The following CFLAR variants were observed in gnomAD, a reference collection of about 807,000 sequenced individuals.
CFLAR encodes the protein CASP8 and FADD-like apoptosis regulator.
Under a neutral mutation model 51.1 loss-of-function variants are expected in CFLAR, and 14 were observed. That is an observed-to-expected ratio of 0.27 (90% CI 0.18 to 0.43). The LOEUF is 0.43. Ranked by LOEUF, CFLAR falls within the 20% of genes least tolerant of loss-of-function variation. The probability of loss-of-function intolerance (pLI) is 1.00; values close to 1 mark genes in which losing one functional copy is unlikely to be tolerated. For synonymous variants in CFLAR, 210 were observed against 211.6 expected (o/e 0.99, Z 0.06); for missense variants, 390 against 566.5 (o/e 0.69, Z 3.16).
At chr2:201,130,239 T>C in intron 2 of CFLAR, 93 bp downstream of exon 2, 1 of 1,213,970 alleles carries the variant, frequency 8.2e-7, no homozygotes, top group Non-Finnish European at 1.1e-6. Flanking sequence ...TAATAAGAAG[T>C]GCAGCCACTT....
chr2:201,137,579 G>A (rs1432613118), intron 4 of CFLAR: 4 of 734,974 alleles, frequency 5.4e-6, no homozygotes, highest in Non-Finnish European at 1.0e-5. Flanking sequence ...GGGCTGACAT[G>A]GTCTGCTTCT....
In CFLAR at chr2:201,140,385, T is replaced by G; in HGVS notation, c.552T>G (p.Asn184Lys). ...AAGGAGCAGGGACAAGTTACAGGAA[T>G]GTTCTCCAAGCAGCAATCCAAAAGA... ...SVQGAGTSYR[N>K]VLQAAIQKSL... The change falls in exon 5 of 10, where the codon AAT becomes AAG. Residue 184 changes from asparagine to lysine, a missense_variant. Asn to Lys is a moderately conservative substitution (Grantham distance 94). Coordinates refer to ENST00000309955, the MANE Select transcript of CFLAR (RefSeq NM_003879.7). The G allele has an allele frequency of 6.2e-7, 1 of 1,611,418 alleles. No homozygotes were observed. Among genetic ancestry groups the G allele is most frequent in the Non-Finnish European group, 8.5e-7 (1 of 1,179,338 alleles).
At chr2:201,121,790 T>G (rs2048211960) in intron 1 of CFLAR, among the ~76,000 whole-genome samples, 1 of 152,220 alleles carries the variant, frequency 6.6e-6, no homozygotes, top group Non-Finnish European at 1.5e-5. Context: ...CTAGATGAAC[T>G]TAAGAGAACG....
intron 5 of CFLAR, among the ~76,000 whole-genome samples, chr2:201,145,082 G>A (rs1304669833): frequency 6.6e-6 from 1 of 152,032 alleles, no homozygotes; most frequent in Non-Finnish European, 1.5e-5. Context: ...GGAACTCCTG[G>A]CCTCAGATGA....
intron 4 of CFLAR, chr2:201,139,026 G>A (rs906641141): frequency 2.2e-6 from 1 of 462,268 alleles, no homozygotes; most frequent in African/African-American, 2.0e-5. Flanking sequence ...AGAGAGATCA[G>A]ATTGTTACTG....
rs2125955434 is a variant in CFLAR at position 201,164,732 on chromosome 2, A to G, written c.*759A>G. ...TGCATCCTTCTATTCAATCAAGTTG[A>G]TACTCAGTATTAACCATCACAGTCC... On this transcript the variant is annotated 3_prime_UTR_variant, in exon 10 of 10. Coordinates refer to ENST00000309955, the MANE Select transcript of CFLAR (RefSeq NM_003879.7). The G allele has an allele frequency of 6.6e-6, 1 of 152,328 alleles. No individual in the cohort carries two copies. The highest frequency in any genetic ancestry group is 1.5e-5 in the Non-Finnish European group (1 of 68,040). The allele number at this position is 152,328 out of a possible 1,614,324, so 9.4% of individuals were successfully genotyped here.
intron 8 of CFLAR, among the ~76,000 whole-genome samples, chr2:201,151,725 TA>T (rs1031191368): frequency 0.014 from 1,936 of 139,922 alleles, 37 homozygotes; most frequent in African/African-American, 0.044. Flanking sequence ...GAGAGAATCA[TA>T]AAAAAAAAAA....
chr2:201,122,442 G>A (rs1398415859), intron 1 of CFLAR: 1 of 152,182 alleles, frequency 6.6e-6, no homozygotes, highest in African/African-American at 2.4e-5. Context: ...TGTTATGAAG[G>A]GATGAGTAAG....
At position 201,129,792 on chromosome 2, in the gene CFLAR, C is replaced by A; in HGVS notation, c.-74C>A. 7.1e-7 allele frequency: 1 copy of A among 1,400,944 alleles called. No individual in the cohort carries two copies. The highest frequency in any genetic ancestry group is 9.9e-7 in the Non-Finnish European group (1 of 1,015,056). The allele number at this position is 1,400,944 out of a possible 1,614,324, so 86.8% of individuals were successfully genotyped here. On this transcript the variant is annotated 5_prime_UTR_variant, in exon 2 of 10. It introduces an in-frame stop codon into an upstream open reading frame of the 5' UTR. Transcript: ENST00000309955. ...CAGCCCTCAGAAATGAAGTTGACTG[C>A]CTGCTGGCTTTCTGTTGACTGGCCC...
At chr2:201,161,896 G>A (rs1282842626) in intron 9 of CFLAR, among the ~76,000 whole-genome samples, 1 of 150,924 alleles carries the variant, frequency 6.6e-6, no homozygotes, top group Non-Finnish European at 1.5e-5. Flanking sequence ...ACAGGCGTCC[G>A]CCATCACACC....
chr2:201,153,108 G>C (rs1022760083), intron 8 of CFLAR: 1 of 152,202 alleles, frequency 6.6e-6, no homozygotes, highest in African/African-American at 2.4e-5. Context: ...CTGGATGCTC[G>C]GTGCTGCCTT....
In CFLAR at chr2:201,170,527, G is replaced by A. The variant is rs1396195988; in HGVS notation, c.*6554G>A. 6.6e-6 allele frequency: 1 copy of A among 152,158 alleles called. No individual in the cohort carries two copies. The highest frequency in any genetic ancestry group is 2.4e-5 in the African/African-American group (1 of 41,440). 9.4% of individuals were successfully genotyped at this position (152,158 alleles called of 1,614,324 possible). A position where few individuals can be genotyped will look rare whatever the true frequency, so the allele number is the denominator to read the frequency against. On this transcript the variant is annotated 3_prime_UTR_variant, in exon 10 of 10. Coordinates refer to ENST00000309955, the MANE Select transcript of CFLAR (RefSeq NM_003879.7). ...CAGTTTGACATCATATAGATAAGTA[G>A]TTGAATTATGGATTTAAAATACATA... is the stretch of plus-strand genomic sequence containing the variant.
At chr2:201,148,806 C>G (rs888834473) in intron 6 of CFLAR, 197 bp from the exon 7 acceptor site, 2 of 520,020 alleles carry the variant, frequency 3.8e-6, no homozygotes, top group African/African-American at 3.9e-5. Flanking sequence ...CCTGATAGCA[C>G]TGGGACTTGT....
chr2:201,160,362 T>C, intron 8 of CFLAR, 70 bp from the exon 9 acceptor site: 1 of 1,485,366 alleles, frequency 6.7e-7, no homozygotes, highest in Non-Finnish European at 9.1e-7. Flanking sequence ...TGTCTAGGAT[T>C]CCTACCCAGT....
In CFLAR at chr2:201,140,090, G is replaced by A. The variant is rs920198351; in HGVS notation, c.524-267G>A. On this transcript the variant is annotated intron_variant, in intron 4 of 9. Transcript: ENST00000309955. ...AGCTGCTGCGACGCGGAGGCGCGCC[G>A]CTGCCACGCTGCAGCCAGGCGCCGG... 180 of 219,574 alleles carry A rather than the reference G, an allele frequency of 8.2e-4. 1 individual carries two copies. Among genetic ancestry groups the A allele is most frequent in the Admixed American group, 4.2e-3 (70 of 16,848 alleles). The allele number at this position is 219,574 out of a possible 1,614,324, so 13.6% of individuals were successfully genotyped here.
chr2:201,150,619 A>G (rs1941127434), intron 8 of CFLAR: 1 of 152,230 alleles, frequency 6.6e-6, no homozygotes, highest in Non-Finnish European at 1.5e-5. Flanking sequence ...CAGTGGCTCC[A>G]TTATCTTCTG....
rs777264664 is a variant in CFLAR at position 201,171,079 on chromosome 2, T to C, written c.*7106T>C. The C allele has an allele frequency of 2.6e-5, 4 of 152,054 alleles. No homozygotes were observed. Among genetic ancestry groups the C allele is most frequent in the Non-Finnish European group, 2.9e-5 (2 of 68,024 alleles). 9.4% of individuals were successfully genotyped at this position (152,054 alleles called of 1,614,324 possible). A position where few individuals can be genotyped will look rare whatever the true frequency, so the allele number is the denominator to read the frequency against. Reference sequence around the variant, plus strand: ...AAAACCAAACATTGTATGTTCTCACTCATAAGTGGGAGATAAGCTATGAGG... The same window carrying C: ...AAAACCAAACATTGTATGTTCTCACCCATAAGTGGGAGATAAGCTATGAGG... On this transcript the variant is annotated 3_prime_UTR_variant, in exon 10 of 10. Coordinates refer to ENST00000309955, the MANE Select transcript of CFLAR (RefSeq NM_003879.7).
At chr2:201,161,260 G>T (rs1942958578) in intron 9 of CFLAR, among the ~76,000 whole-genome samples, 3 of 152,090 alleles carry the variant, frequency 2.0e-5, no homozygotes, top group Admixed American at 2.0e-4. Flanking sequence ...AGTCCCAACT[G>T]CTTGGGAGGC....
At position 201,176,310 on chromosome 2, in the gene CFLAR, T is replaced by A. The variant is rs1332913941; in HGVS notation, c.*12337T>A. ...GGGGGGCGGGCGGGGGAGCTGCCTG[T>A]CCCTGGCACCACCTGTGACCAATTA... On this transcript the variant is annotated 3_prime_UTR_variant, in exon 10 of 10. Coordinates refer to ENST00000309955, the MANE Select transcript of CFLAR (RefSeq NM_003879.7). The A allele has an allele frequency of 6.9e-6, 1 of 144,392 alleles. No individual in the cohort carries two copies. Among genetic ancestry groups the A allele is most frequent in the Non-Finnish European group, 1.5e-5 (1 of 67,180 alleles). 8.9% of individuals were successfully genotyped at this position (144,392 alleles called of 1,614,324 possible).
Sources: allele counts gnomAD v4.1 joint callset (sites outside exome capture counted in the v4.1 genomes callset), GRCh38; gene constraint gnomAD v4.1.1; transcripts MANE v1.5; gene names NCBI Gene and HGNC (gene_info 2026-07-23, HGNC 2026-07-21).